Variants in NECAB1 observed in about 807,000 individuals in gnomAD.
NECAB1 encodes the protein N-terminal EF-hand calcium binding protein 1.
NECAB1 carries 29 observed loss-of-function variants against 57.5 expected under a neutral mutation model. That is an observed-to-expected ratio of 0.50 (90% CI 0.38 to 0.69). NECAB1 has a LOEUF of 0.69. Among genes scored for constraint, NECAB1 ranks in the 30% least tolerant of loss-of-function variants. The pLI, the probability that NECAB1 is intolerant of heterozygous loss-of-function variation, is 0.00. For synonymous variants in NECAB1, 142 were observed against 147.7 expected, an observed-to-expected ratio of 0.96 and a Z score of 0.28; for missense variants, 372 against 413.8, an observed-to-expected ratio of 0.90 and a Z score of 0.88.
intron 3 of NECAB1, among the ~76,000 whole-genome samples, chr8:90,863,065 G>A (rs887787943): frequency 3.3e-5 from 5 of 151,878 alleles, no homozygotes; most frequent in Non-Finnish European, 7.4e-5. Flanking sequence ...CATCTCAAGC[G>A]CTTGAATGGA....
chr8:90,809,342 A>G (rs1047220641), intron 2 of NECAB1, among the ~76,000 whole-genome samples: 7 of 152,318 alleles, frequency 4.6e-5, no homozygotes, highest in Admixed American at 4.6e-4. Flanking sequence ...CTGTCAAAAC[A>G]TCTTCAAAAC....
intron 2 of NECAB1, among the ~76,000 whole-genome samples, chr8:90,814,828 A>G (rs996403157): frequency 2.0e-5 from 3 of 152,132 alleles, no homozygotes; most frequent in Admixed American, 6.5e-5. Flanking sequence ...AGAGAATGTT[A>G]TTAGAAACCA....
intron 7 of NECAB1, among the ~76,000 whole-genome samples, chr8:90,926,236 G>C (rs1810265781): frequency 6.6e-6 from 1 of 152,096 alleles, no homozygotes; most frequent in South Asian, 2.1e-4. Flanking sequence ...TTTTTATAAA[G>C]CATGCATATA....
rs570055276 is a variant in NECAB1 at position 90,955,713 on chromosome 8, T to C, written c.*201T>C. 1.1e-4 allele frequency: 53 copies of C among 464,442 alleles called. No homozygotes were observed. Among genetic ancestry groups the C allele is most frequent in the South Asian group, 6.1e-4 (15 of 24,492 alleles). The allele number at this position is 464,442 out of a possible 1,614,324, so 28.8% of individuals were successfully genotyped here. A position where few individuals can be genotyped will look rare whatever the true frequency, so the allele number is the denominator to read the frequency against. On this transcript the variant is annotated 3_prime_UTR_variant, in exon 13 of 13. Transcript: ENST00000417640. Reference sequence around the variant, plus strand: ...GCTCAATTTTCAAAGTTCACTAATATTCTCAATATTTAATGCTAAATGCTT... The same window carrying C: ...GCTCAATTTTCAAAGTTCACTAATACTCTCAATATTTAATGCTAAATGCTT...
intron 3 of NECAB1, among the ~76,000 whole-genome samples, chr8:90,834,087 C>T (rs980702029): frequency 2.8e-5 from 4 of 142,606 alleles, no homozygotes; most frequent in African/African-American, 1.0e-4. Flanking sequence ...TGATTGAACC[C>T]AGCAGGTGGC....
At chr8:90,814,873 GTCA>G (rs1418309165) in intron 2 of NECAB1, among the ~76,000 whole-genome samples, 2 of 152,102 alleles carry the variant, frequency 1.3e-5, no homozygotes, top group East Asian at 3.8e-4. Context: ...TTACTGATGT[GTCA>G]TCATTGCTTC....
At chr8:90,930,914 C>G (rs1405717454) in intron 8 of NECAB1, among the ~76,000 whole-genome samples, 2 of 152,134 alleles carry the variant, frequency 1.3e-5, no homozygotes, top group Non-Finnish European at 2.9e-5. Flanking sequence ...TTTAAAAATA[C>G]AAATACCTCT....
At chr8:90,814,876 A>G (rs1014623265) in intron 2 of NECAB1, among the ~76,000 whole-genome samples, 2 of 152,164 alleles carry the variant, frequency 1.3e-5, no homozygotes, top group African/African-American at 4.8e-5. Context: ...CTGATGTGTC[A>G]TCATTGCTTC....
intron 4 of NECAB1, among the ~76,000 whole-genome samples, chr8:90,874,113 G>A (rs961659679): frequency 6.6e-6 from 1 of 152,104 alleles, no homozygotes; most frequent in African/African-American, 2.4e-5. Flanking sequence ...ATTATTTTGT[G>A]AATATAAAGT....
At chr8:90,840,720 G>A (rs1230699944) in intron 3 of NECAB1, among the ~76,000 whole-genome samples, 1 of 152,120 alleles carries the variant, frequency 6.6e-6, no homozygotes, top group African/African-American at 2.4e-5. Flanking sequence ...TGCGGTCTTA[G>A]AGTGCAGAAC....
intron 3 of NECAB1, among the ~76,000 whole-genome samples, chr8:90,860,676 G>C (rs2129808512): frequency 6.6e-6 from 1 of 152,270 alleles, no homozygotes; most frequent in South Asian, 2.1e-4. Flanking sequence ...TATCAACATT[G>C]ATGCAGAAAA....
intron 3 of NECAB1, among the ~76,000 whole-genome samples, chr8:90,858,818 CTG>C (rs1812843259): frequency 6.6e-6 from 1 of 152,144 alleles, no homozygotes; most frequent in Non-Finnish European, 1.5e-5. Flanking sequence ...AGATCAAATC[CTG>C]TGTTCCCTTG....
chr8:90,948,333 T>G (rs1810854497), intron 10 of NECAB1, among the ~76,000 whole-genome samples: 1 of 152,038 alleles, frequency 6.6e-6, no homozygotes, highest in Non-Finnish European at 1.5e-5. Context: ...CTCCAGAAAA[T>G]CTGAAGTTGA....
rs1460405078 is a variant in NECAB1, at chr8:90,917,864, A to G, written c.494+236A>G. 6.4e-4 allele frequency among the ~76,000 whole-genome samples: 58 copies of G among 89,974 alleles called. 4 individuals carry two copies. The highest frequency in any genetic ancestry group is 4.7e-3 in the African/African-American group (52 of 11,150). The allele number at this position is 89,974 out of a possible 152,430, so 59.0% of individuals were successfully genotyped here. On this transcript the variant is annotated intron_variant, in intron 6 of 12. Transcript: ENST00000417640. ...ACTATATATATATATATATATATATATATATATGTGTGTGTGTGCGTGTAT... is the reference window on the plus strand; with the variant it reads ...ACTATATATATATATATATATATATGTATATATGTGTGTGTGTGCGTGTAT...
intron 7 of NECAB1, among the ~76,000 whole-genome samples, chr8:90,927,120 T>C (rs1810289736): frequency 6.6e-6 from 1 of 152,082 alleles, no homozygotes; most frequent in South Asian, 2.1e-4. Context: ...AGATTAGAAA[T>C]ATTGTATTAG....
intron 12 of NECAB1, 121 bp from the exon 13 acceptor site, chr8:90,955,366 A>G: frequency 1.5e-6 from 1 of 647,264 alleles, no homozygotes; most frequent in Non-Finnish European, 2.6e-6. Context: ...GACTAGAAAG[A>G]TAAGTTATTA....
At chr8:90,832,795 G>A (rs1217267179) in intron 3 of NECAB1, among the ~76,000 whole-genome samples, 1 of 152,086 alleles carries the variant, frequency 6.6e-6, no homozygotes, top group East Asian at 1.9e-4. Flanking sequence ...ATGATTAAGG[G>A]TCTGGGGTTT....
chr8:90,798,072 CT>C (rs1249024185), intron 1 of NECAB1, among the ~76,000 whole-genome samples: 1 of 152,210 alleles, frequency 6.6e-6, no homozygotes, highest in African/African-American at 2.4e-5. Context: ...CATACTTCCT[CT>C]CTTGCTTCTG....
intron 4 of NECAB1, among the ~76,000 whole-genome samples, chr8:90,878,847 C>A (rs1449940175): frequency 2.0e-5 from 3 of 150,862 alleles, no homozygotes; most frequent in African/African-American, 7.3e-5. Flanking sequence ...TCTCCAGGAA[C>A]CTTTACTAAT....
Sources: gnomAD v4.1 joint callset for allele counts (sites outside exome capture counted in the v4.1 genomes callset) on GRCh38, gnomAD v4.1.1 for gene constraint, MANE v1.5 for transcripts, NCBI Gene and HGNC (gene_info 2026-07-23, HGNC 2026-07-21) for gene names.